The following RIF1 variants were observed in gnomAD, a reference collection of about 807,000 sequenced individuals.
RIF1 encodes replication timing regulatory factor 1.
RIF1 carries 45 observed loss-of-function variants against 247.1 expected under a neutral mutation model. That is an observed-to-expected ratio of 0.18 (90% CI 0.14 to 0.23). The LOEUF (loss-of-function observed/expected upper bound fraction) is 0.23, where lower values mean the gene tolerates loss of function less well. RIF1 is among the 10% of genes least tolerant of loss of function. RIF1 has a pLI of 1.00. For synonymous variants in RIF1, 1,087 were observed against 978.8 expected, an observed-to-expected ratio of 1.11 and a Z score of -2.06; for missense variants, 2,967 against 2,862.5, an observed-to-expected ratio of 1.04 and a Z score of -0.83.
At chr2:151,529,726 G>A in the RIF1 span, among the ~76,000 whole-genome samples, 2 of 151,948 alleles carry the variant, frequency 1.3e-5, no homozygotes, top group South Asian at 2.1e-4. Context: ...ATGGGGTTTC[G>A]CCACGTTGGC....
the RIF1 span, chr2:151,514,906 T>C: frequency 1.3e-6 from 2 of 1,573,058 alleles, no homozygotes; most frequent in African/African-American, 1.3e-5. Context: ...AATGGACTCT[T>C]CATAATCTTT....
intron 9 of RIF1, among the ~76,000 whole-genome samples, chr2:151,490,878 C>T (rs1388409472): frequency 6.6e-6 from 1 of 152,186 alleles, no homozygotes; most frequent in African/African-American, 2.4e-5. Context: ...AAAGTCCTCC[C>T]TAACTGCAAA....
intron 9 of RIF1, chr2:151,491,982 C>T: frequency 8.4e-7 from 1 of 1,185,882 alleles, no homozygotes; most frequent in South Asian, 1.5e-5. Context: ...TTTCTTGCAC[C>T]TCTAGAAAAA....
At chr2:151,448,946 T>C (rs2152425159) in intron 20 of RIF1, among the ~76,000 whole-genome samples, 1 of 152,324 alleles carries the variant, frequency 6.6e-6, no homozygotes, top group East Asian at 1.9e-4. Context: ...CTGTCAAATT[T>C]CACAAAATAC....
chr2:151,520,034 CAAAACA>C, the RIF1 span: 1 of 148,152 alleles, frequency 6.7e-6, no homozygotes, highest in Non-Finnish European at 1.2e-5. Context: ...CTTTCTAATG[CAAAACA>C]AAAAAAAAAA....
At chr2:151,527,637 T>C in the RIF1 span, 1 of 1,322,978 alleles carries the variant, frequency 7.6e-7, no homozygotes, top group East Asian at 2.4e-5. Flanking sequence ...GCTAAATTCA[T>C]AAACACACAC....
In RIF1 at chr2:151,464,117, C is replaced by A. The variant is rs754596089; in HGVS notation, c.4597C>A (p.Arg1533=). 31 of 1,611,990 alleles carry A rather than the reference C, an allele frequency of 1.9e-5. No homozygotes were observed. Among genetic ancestry groups the A allele is most frequent in the Non-Finnish European group, 2.6e-5 (31 of 1,179,564 alleles). Residue 1533 remains arginine, a synonymous_variant, in exon 30 of 36, where the codon CGA becomes AGA. Coordinates refer to ENST00000444746, the MANE Select transcript of RIF1 (RefSeq NM_018151.5). ...GTCCTCTGAGAAACTAGTCAGAGGC[C>A]GAACACGGTATCAAACTAGAAGAGC... ...DKSSEKLVRG[R]TRYQTRRASQ...
At chr2:151,519,885 T>A in the RIF1 span, 2 of 659,142 alleles carry the variant, frequency 3.0e-6, no homozygotes, top group South Asian at 3.8e-5. Context: ...GATCATATAA[T>A]CTATTATCCA....
chr2:151,473,804 C>A (rs2048763096), intron 34 of RIF1, among the ~76,000 whole-genome samples, 160 bp from the exon 35 acceptor site: 1 of 152,120 alleles, frequency 6.6e-6, no homozygotes, highest in African/African-American at 2.4e-5. Flanking sequence ...TAGTTAGAAC[C>A]TACTTTCTTA....
At chr2:151,495,293 AGTGATTCTCAAC>A (rs2152913584) in exon 10 of RIF1, 1 of 152,320 alleles carries the variant, frequency 6.6e-6, no homozygotes, top group Admixed American at 6.5e-5. Context: ...CTGTTGAAAT[AGTGATTCTCAAC>A]GTGGGGTCCT....
chr2:151,426,186 T>TTTTTTTTTTTTTTTTTTTTTTTC (rs1689063236), intron 8 of RIF1, among the ~76,000 whole-genome samples: 1 of 134,878 alleles, frequency 7.4e-6, no homozygotes, highest in African/African-American at 2.8e-5. Flanking sequence ...TTTTTTTTTT[T>TTTTTTTTTTTTTTTTTTTTTTTC]TTTTTTGAGC....
chr2:151,449,699 T>A (rs548735432), intron 20 of RIF1, among the ~76,000 whole-genome samples: 1 of 152,294 alleles, frequency 6.6e-6, no homozygotes, highest in African/African-American at 2.4e-5. Flanking sequence ...AACATGTAGT[T>A]TTATTTTATT....
At chr2:151,517,554 G>C in the RIF1 span, among the ~76,000 whole-genome samples, 3 of 152,110 alleles carry the variant, frequency 2.0e-5, no homozygotes, top group Non-Finnish European at 4.4e-5. Context: ...TATGAGAAAG[G>C]CTTTGTTATG....
In RIF1 at chr2:151,505,378, A is replaced by C; in HGVS notation, c.*862-832A>C. 4 of 1,038,436 alleles carry C rather than the reference A, an allele frequency of 3.9e-6. No individual in the cohort carries two copies. The Admixed American group carries it at 7.4e-5, about 19-fold the overall frequency. The allele number at this position is 1,038,436 out of a possible 1,614,324, so 64.3% of individuals were successfully genotyped here. On this transcript the variant is annotated intron_variant and NMD_transcript_variant, in intron 12 of 13. Transcript: ENST00000454583. ...GGAGAATTCACAACATCCCCAAGGC[A>C]TGGAAGCTCTTGATAGGAAGCAGAA...
At chr2:151,424,510 T>C (rs753369091) in intron 8 of RIF1, among the ~76,000 whole-genome samples, 6 of 152,208 alleles carry the variant, frequency 3.9e-5, no homozygotes, top group Non-Finnish European at 8.8e-5. Context: ...TTGAGAGACA[T>C]TTAGGTTGTT....
At chr2:151,517,898 C>T in the RIF1 span, among the ~76,000 whole-genome samples, 3 of 152,304 alleles carry the variant, frequency 2.0e-5, 1 homozygote, top group South Asian at 6.2e-4. Flanking sequence ...ATGACTGTAT[C>T]TTAAAAATTT....
the RIF1 span, chr2:151,525,953 C>G: frequency 3.1e-6 from 5 of 1,611,362 alleles, no homozygotes; most frequent in Non-Finnish European, 4.2e-6. Context: ...TGGTTGATCA[C>G]TTACATCACT....
In RIF1 at chr2:151,473,735, A is replaced by G. The variant is rs530951141; in HGVS notation, c.7096-229A>G. ...ATATTTCCTGAGAAAACCATTATGA[A>G]ATATTGTTAAATTCTAACCCTCTCT... On this transcript the variant is annotated intron_variant, in intron 34 of 35. Coordinates refer to ENST00000444746, the MANE Select transcript of RIF1 (RefSeq NM_018151.5). Among the ~76,000 whole-genome samples, 3 of 152,256 alleles carry G rather than the reference A, an allele frequency of 2.0e-5. No individual in the cohort carries two copies. In the South Asian group the frequency reaches 6.2e-4, roughly 32 times the overall value.
intron 9 of RIF1, among the ~76,000 whole-genome samples, chr2:151,429,723 T>G (rs1012749437): frequency 3.9e-5 from 6 of 152,242 alleles, no homozygotes; most frequent in Non-Finnish European, 8.8e-5. Flanking sequence ...AATAGTGGTT[T>G]AATATTGATA....
Sources: gnomAD v4.1 joint callset for allele counts (sites outside exome capture counted in the v4.1 genomes callset) on GRCh38, gnomAD v4.1.1 for gene constraint, MANE v1.5 for transcripts, NCBI Gene and HGNC (gene_info 2026-07-23, HGNC 2026-07-21) for gene names.